MIPEP: variants seen among roughly 807,000 people sequenced by gnomAD.
MIPEP encodes mitochondrial intermediate peptidase.
MIPEP carries 79 observed loss-of-function variants against 90.3 expected under a neutral mutation model. That is an observed-to-expected ratio of 0.87 (90% CI 0.73 to 1.05). The LOEUF is 1.05. Among genes scored for constraint, MIPEP ranks in the 50% least tolerant of loss-of-function variants. MIPEP has a pLI of 0.00. For missense variants in MIPEP, 940 were observed against 905.6 expected, an observed-to-expected ratio of 1.04 and a Z score of -0.49; for synonymous variants, 334 against 315.8, an observed-to-expected ratio of 1.06 and a Z score of -0.61.
intron 14 of MIPEP, among the ~76,000 whole-genome samples, chr13:23,826,920 G>C (rs182394171): frequency 1.4e-4 from 21 of 152,316 alleles, no homozygotes. Flanking sequence ...GAAAAAAACT[G>C]CATCTGTATC....
chr13:23,752,876 C>T (rs1170980620), intron 18 of MIPEP, among the ~76,000 whole-genome samples: 4 of 152,028 alleles, frequency 2.6e-5, no homozygotes, highest in Non-Finnish European at 4.4e-5. Flanking sequence ...TACTGCCACA[C>T]GTCTGTACAC....
At chr13:23,866,004 T>C (rs1252883067) in intron 7 of MIPEP, among the ~76,000 whole-genome samples, 2 of 152,006 alleles carry the variant, frequency 1.3e-5, no homozygotes, top group South Asian at 4.2e-4. Flanking sequence ...AATTGTCATA[T>C]TAAGATTCAG....
chr13:23,775,928 G>A (rs1403893595), intron 16 of MIPEP, among the ~76,000 whole-genome samples: 1 of 152,136 alleles, frequency 6.6e-6, no homozygotes, highest in Non-Finnish European at 1.5e-5. Context: ...TGGTAAATGT[G>A]TTGCTGAGAG....
chr13:23,881,780 A>G lies in MIPEP; in HGVS notation c.371T>C (p.Phe124Ser), dbSNP rs1269187933. ...TGGCTCAGGGTGAGCGATTTTCACAAAATCAGCCTAATAAAGGGGAAAGAC... is the reference window on the plus strand; with the variant it reads ...TGGCTCAGGGTGAGCGATTTTCACAGAATCAGCCTAATAAAGGGGAAAGAC... ...SLCRVADLAD[F>S]VKIAHPEPAF... Residue 124 changes from phenylalanine to serine, a missense_variant, in exon 3 of 19, where the codon TTT (phenylalanine) becomes TCT (serine). Transcript: ENST00000382172. The G allele has an allele frequency of 1.9e-6, 3 of 1,612,950 alleles. No homozygotes were observed. Among genetic ancestry groups the G allele is most frequent in the Non-Finnish European group, 2.5e-6 (3 of 1,179,340 alleles).
At chr13:23,869,509 T>A (rs1870689542) in intron 6 of MIPEP, 61 bp from the exon 7 acceptor site, 1 of 1,417,562 alleles carries the variant, frequency 7.1e-7, no homozygotes, top group Non-Finnish European at 9.5e-7. Context: ...TATGCAACAA[T>A]AACACAGGCT....
rs560169028 is a variant in MIPEP at position 23,873,198 on chromosome 13, G to A, written c.603+1648C>T. 7.2e-5 allele frequency among the ~76,000 whole-genome samples: 11 copies of A among 152,336 alleles called. No homozygotes were observed. In the East Asian group the frequency reaches 2.1e-3, roughly 29 times the overall value. On this transcript the variant is annotated intron_variant, in intron 5 of 18. Transcript: ENST00000382172. ...CAGGGAAACCTGGTGAGCAGGCCTA[G>A]GAGGAGGACAGCAAACACATGGGGG...
chr13:23,745,875 A>G (rs1184574491), intron 18 of MIPEP, among the ~76,000 whole-genome samples: 1 of 151,026 alleles, frequency 6.6e-6, no homozygotes, highest in Non-Finnish European at 1.5e-5. Context: ...GTTTGCAGTG[A>G]GCCGAGATTG....
chr13:23,787,817 T>C (rs1166804660), intron 16 of MIPEP, among the ~76,000 whole-genome samples: 1 of 152,172 alleles, frequency 6.6e-6, no homozygotes, highest in Admixed American at 6.5e-5. Flanking sequence ...TCTAGGGAAA[T>C]GGATGTTATA....
At chr13:23,790,140 T>C (rs1952884834) in intron 16 of MIPEP, among the ~76,000 whole-genome samples, 1 of 152,208 alleles carries the variant, frequency 6.6e-6, no homozygotes, top group African/African-American at 2.4e-5. Context: ...CAAGTAGGTG[T>C]TGGCTCTGGT....
At chr13:23,831,358 C>T (rs190245899) in intron 14 of MIPEP, among the ~76,000 whole-genome samples, 253 of 104,602 alleles carry the variant, frequency 2.4e-3, no homozygotes, top group African/African-American at 9.5e-3. Context: ...ATCTGGGCGT[C>T]GGGGACAGCC....
At chr13:23,865,161 GTTTTGCAAGTATT>G (rs1449131123) in intron 7 of MIPEP, among the ~76,000 whole-genome samples, 3 of 152,148 alleles carry the variant, frequency 2.0e-5, no homozygotes, top group African/African-American at 7.2e-5. Context: ...AAGAGGAAAT[GTTTTGCAAGTATT>G]TCTGAATGTA....
chr13:23,822,462 C>G (rs1001563261), intron 14 of MIPEP, among the ~76,000 whole-genome samples: 1 of 152,204 alleles, frequency 6.6e-6, no homozygotes, highest in Non-Finnish European at 1.5e-5. Flanking sequence ...CCAAATGCTC[C>G]TATTTCAAGC....
intron 18 of MIPEP, among the ~76,000 whole-genome samples, chr13:23,746,159 T>C (rs1030216065): frequency 1.3e-5 from 2 of 150,680 alleles, no homozygotes; most frequent in Non-Finnish European, 3.0e-5. Flanking sequence ...GGGCTATACG[T>C]ACATGGACCA....
chr13:23,829,574 A>G (rs1868636861), intron 14 of MIPEP, among the ~76,000 whole-genome samples: 1 of 152,218 alleles, frequency 6.6e-6, no homozygotes, highest in Non-Finnish European at 1.5e-5. Context: ...GAATTTCTGA[A>G]AATCAGTAAG....
chr13:23,739,064 G>T (rs964865783), intron 18 of MIPEP, among the ~76,000 whole-genome samples: 1 of 152,230 alleles, frequency 6.6e-6, no homozygotes, highest in African/African-American at 2.4e-5. Context: ...GTAGACGATT[G>T]TAATTTTCTA....
intron 10 of MIPEP, among the ~76,000 whole-genome samples, chr13:23,845,087 C>A (rs1869473585): frequency 1.3e-5 from 2 of 152,138 alleles, no homozygotes; most frequent in Admixed American, 1.3e-4. Context: ...TATATATAAA[C>A]CTACTTTGGC....
At chr13:23,874,724 A>G (rs1434742205) in intron 5 of MIPEP, 122 bp downstream of exon 5, 2 of 757,716 alleles carry the variant, frequency 2.6e-6, no homozygotes, top group Non-Finnish European at 4.1e-6. Context: ...ATAACAGATA[A>G]AAGACCTGCA....
At chr13:23,789,131 G>T (rs1017141488) in intron 16 of MIPEP, among the ~76,000 whole-genome samples, 2 of 152,054 alleles carry the variant, frequency 1.3e-5, no homozygotes, top group Non-Finnish European at 2.9e-5. Context: ...TTAAAAAATT[G>T]TTCTTCTGTT....
rs574277061 is a variant in MIPEP at position 23,755,732 on chromosome 13, A to G, written c.2044+813T>C. 2.0e-3 allele frequency among the ~76,000 whole-genome samples: 301 copies of G among 152,370 alleles called. 4 individuals carry two copies. The highest frequency in any genetic ancestry group is 7.0e-3 in the African/African-American group (291 of 41,594). On this transcript the variant is annotated intron_variant, in intron 18 of 18. Transcript: ENST00000382172. ...TTACAATTAAATTTTCAGTAAAAAT[A>G]CTCAAATAAAAAATTACTGAGAAAA...
Sources: gnomAD v4.1 joint callset for allele counts (sites outside exome capture counted in the v4.1 genomes callset) on GRCh38, gnomAD v4.1.1 for gene constraint, MANE v1.5 for transcripts, NCBI Gene and HGNC (gene_info 2026-07-23, HGNC 2026-07-21) for gene names.